The following RBFOX1 variants were observed in gnomAD, a reference collection of about 807,000 sequenced individuals.
The protein encoded by RBFOX1 is RNA binding fox-1 homolog 1, also known as RNA binding protein fox-1 homolog 1.
A neutral mutation model predicts 57.7 loss-of-function variants in RBFOX1; 8 were observed. That is an observed-to-expected ratio of 0.14 (90% CI 0.08 to 0.25). The LOEUF is 0.25. Among genes scored for constraint, RBFOX1 ranks in the 10% least tolerant of loss-of-function variants. The pLI is 1.00. For missense variants in RBFOX1, 611 were observed against 548.5 expected (o/e 1.11, Z -1.14); for synonymous variants, 326 against 222.4 (o/e 1.47, Z -4.15).
intron 4 of RBFOX1, among the ~76,000 whole-genome samples, chr16:7,370,960 G>C (rs1436315143): frequency 6.6e-6 from 1 of 152,162 alleles, no homozygotes; most frequent in Non-Finnish European, 1.5e-5. Context: ...GACCCCAGAA[G>C]CAAAGCCCCA....
chr16:6,210,358 C>CAAAAAAAAAAAAAAAAAAAAA (rs1567684381), intron 1 of RBFOX1, among the ~76,000 whole-genome samples: 4 of 96,672 alleles, frequency 4.1e-5, no homozygotes, highest in Admixed American at 1.3e-4. Flanking sequence ...AAAAAAAAAA[C>CAAAAAAAAAAAAAAAAAAAAA]ACCAAAAAAA....
chr16:5,816,597 A>C (rs1160945755), intron 3 of RBFOX1, among the ~76,000 whole-genome samples: 1 of 152,174 alleles, frequency 6.6e-6, no homozygotes, highest in African/African-American at 2.4e-5. Flanking sequence ...CAGCCTGGGC[A>C]ACATAGTTAA....
At chr16:6,976,376 G>A (rs966864910) in intron 3 of RBFOX1, among the ~76,000 whole-genome samples, 1 of 152,064 alleles carries the variant, frequency 6.6e-6, no homozygotes, top group African/African-American at 2.4e-5. Flanking sequence ...ATGAATACAT[G>A]AAGCAAATAT....
chr16:6,814,083 C>G (rs1042936812), intron 3 of RBFOX1, among the ~76,000 whole-genome samples: 2 of 152,150 alleles, frequency 1.3e-5, no homozygotes, highest in African/African-American at 4.8e-5. Flanking sequence ...TATAATTTCT[C>G]TCATTTGTCC....
At position 6,153,317 on chromosome 16, in the gene RBFOX1, C is replaced by T. The variant is rs189220972; in HGVS notation, c.-127+133325C>T. 2.1e-3 allele frequency among the ~76,000 whole-genome samples: 319 copies of T among 152,070 alleles called. 1 individual carries two copies. The highest frequency in any genetic ancestry group is 6.8e-3 in the African/African-American group (281 of 41,520). On this transcript the variant is annotated intron_variant, in intron 1 of 15. Transcript: ENST00000550418. ...CAACAATGGAAACATTGAGAATATTCAGTAAAACAAAAAACAAAACCATTT... is the reference window on the plus strand; with the variant it reads ...CAACAATGGAAACATTGAGAATATTTAGTAAAACAAAAAACAAAACCATTT...
intron 1 of RBFOX1, among the ~76,000 whole-genome samples, chr16:5,409,932 C>T (rs375568225): frequency 1.3e-5 from 2 of 151,666 alleles, no homozygotes; most frequent in African/African-American, 2.4e-5. Flanking sequence ...CCTGTAATCC[C>T]AGCTACTTGG....
chr16:6,971,736 T>C (rs2085596339), intron 3 of RBFOX1, among the ~76,000 whole-genome samples: 1 of 152,028 alleles, frequency 6.6e-6, no homozygotes, highest in Non-Finnish European at 1.5e-5. Context: ...TGTGGACGGA[T>C]TGGGGACATC....
chr16:6,874,249 C>A (rs1279996877), intron 3 of RBFOX1, among the ~76,000 whole-genome samples: 1 of 152,122 alleles, frequency 6.6e-6, no homozygotes, highest in Non-Finnish European at 1.5e-5. Context: ...GTGGTTCACA[C>A]TTGTAATCCC....
chr16:6,895,759 G>C (rs955104324), intron 3 of RBFOX1, among the ~76,000 whole-genome samples: 2 of 151,952 alleles, frequency 1.3e-5, no homozygotes, highest in Non-Finnish European at 1.5e-5. Context: ...TGAGGAATGA[G>C]CCCTAAGACA....
intron 13 of RBFOX1, among the ~76,000 whole-genome samples, chr16:7,672,341 A>T (rs78327975): frequency 0.012 from 1,864 of 152,342 alleles, 36 homozygotes; most frequent in African/African-American, 0.042. Flanking sequence ...TGAGAGTTGT[A>T]GGACATTACT....
chr16:6,540,626 A>C (rs994858383), intron 2 of RBFOX1, among the ~76,000 whole-genome samples: 2 of 151,704 alleles, frequency 1.3e-5, no homozygotes, highest in Non-Finnish European at 2.9e-5. Context: ...AAAAAAAAAA[A>C]AAAAAAAAAA....
At chr16:6,801,980 T>C (rs553241501) in intron 3 of RBFOX1, among the ~76,000 whole-genome samples, 14 of 152,226 alleles carry the variant, frequency 9.2e-5, no homozygotes, top group Admixed American at 7.9e-4. Flanking sequence ...ATTACCCTTA[T>C]CTTGTCTCGT....
intron 4 of RBFOX1, among the ~76,000 whole-genome samples, chr16:5,968,077 T>C (rs926598339): frequency 5.3e-5 from 8 of 152,136 alleles, no homozygotes; most frequent in African/African-American, 1.9e-4. Flanking sequence ...TCTCCAGTAC[T>C]TTATTTTATT....
intron 3 of RBFOX1, among the ~76,000 whole-genome samples, chr16:5,715,862 C>T (rs1427314438): frequency 6.6e-6 from 1 of 152,168 alleles, no homozygotes; most frequent in Non-Finnish European, 1.5e-5. Context: ...TTTACTGACT[C>T]CCTGCTCCCT....
chr16:5,601,996 G>A (rs566554694), downstream of RBFOX1, among the ~76,000 whole-genome samples: 1 of 152,190 alleles, frequency 6.6e-6, no homozygotes, highest in Non-Finnish European at 1.5e-5. Flanking sequence ...TCCTCTGGAG[G>A]CTGTAGAGTC....
intron 3 of RBFOX1, among the ~76,000 whole-genome samples, chr16:6,858,695 A>T (rs1423335948): frequency 1.3e-5 from 2 of 152,172 alleles, no homozygotes; most frequent in African/African-American, 4.8e-5. Flanking sequence ...ATGGAATTAC[A>T]TATCAGAATA....
intron 2 of RBFOX1, among the ~76,000 whole-genome samples, chr16:6,367,135 A>C (rs2089751840): frequency 6.6e-6 from 1 of 152,264 alleles, no homozygotes; most frequent in East Asian, 1.9e-4. Context: ...AAACTAGGGC[A>C]AAATGAATAA....
At chr16:7,381,223 G>A (rs1033351179) in intron 4 of RBFOX1, among the ~76,000 whole-genome samples, 1 of 152,142 alleles carries the variant, frequency 6.6e-6, no homozygotes, top group Admixed American at 6.5e-5. Context: ...GATTGAGGCC[G>A]TGTCTCTCAA....
At chr16:6,560,651 T>C (rs906874369) in intron 2 of RBFOX1, among the ~76,000 whole-genome samples, 3 of 152,166 alleles carry the variant, frequency 2.0e-5, no homozygotes, top group Non-Finnish European at 2.9e-5. Context: ...TTGAGTAAAA[T>C]AGGGTCTTGA....
Sources: allele counts gnomAD v4.1 joint callset (sites outside exome capture counted in the v4.1 genomes callset), GRCh38; gene constraint gnomAD v4.1.1; transcripts MANE v1.5; gene names NCBI Gene and HGNC (gene_info 2026-07-23, HGNC 2026-07-21).